GPC6: variants seen among roughly 807,000 people sequenced by gnomAD.
GPC6 encodes the protein glypican-6.
A neutral mutation model predicts 55.2 loss-of-function variants in GPC6; 14 were observed. The observed-to-expected ratio is 0.25, with a 90% CI of 0.17 to 0.40. The LOEUF (loss-of-function observed/expected upper bound fraction) is 0.40. GPC6 is among the 10% of genes least tolerant of loss of function. The probability of loss-of-function intolerance (pLI) is 1.00; values close to 1 mark genes in which losing one functional copy is unlikely to be tolerated. For synonymous variants in GPC6, 278 were observed against 259.6 expected (o/e 1.07, Z -0.68); for missense variants, 641 against 708.5 (o/e 0.90, Z 1.08).
At chr13:93,825,855 A>ATTTTCTTTTTTTTTTTTTTTTTTTTTT (rs1445978069) in intron 2 of GPC6, among the ~76,000 whole-genome samples, 4 of 114,656 alleles carry the variant, frequency 3.5e-5, no homozygotes, top group African/African-American at 9.8e-5. Flanking sequence ...TTATTTTATT[A>ATTTTCTTTTTTTTTTTTTTTTTTTTTT]TTTTCTTTTT....
chr13:94,089,190 C>T (rs1362226002), intron 4 of GPC6, among the ~76,000 whole-genome samples: 3 of 152,006 alleles, frequency 2.0e-5, no homozygotes, highest in African/African-American at 4.8e-5. Context: ...TCTTAAAGCC[C>T]GTGAGTAAGA....
intron 6 of GPC6, among the ~76,000 whole-genome samples, chr13:94,373,731 T>C (rs1334701070): frequency 6.6e-6 from 1 of 152,066 alleles, no homozygotes; most frequent in Non-Finnish European, 1.5e-5. Flanking sequence ...AAGATACTCC[T>C]CGAGAAGAGG....
At chr13:93,370,771 T>A (rs9524025) in intron 1 of GPC6, among the ~76,000 whole-genome samples, 111,285 of 152,084 alleles carry the variant, frequency 0.73, 42,662 homozygotes, top group East Asian at 0.97. Flanking sequence ...GAAAACCTTT[T>A]CTGTAAAAAT....
chr13:93,302,430 A>G (rs1291235529), intron 1 of GPC6, among the ~76,000 whole-genome samples: 1 of 152,220 alleles, frequency 6.6e-6, no homozygotes, highest in Non-Finnish European at 1.5e-5. Flanking sequence ...AACCTGGAGT[A>G]TGTTTTAAGA....
At chr13:93,799,943 G>T (rs1187483761) in intron 2 of GPC6, among the ~76,000 whole-genome samples, 1 of 152,158 alleles carries the variant, frequency 6.6e-6, no homozygotes, top group Admixed American at 6.5e-5. Context: ...TTTGCATGTG[G>T]TGGACAGTAG....
rs1467556861 is a variant in GPC6 at position 94,272,018 on chromosome 13, T to C, written c.878-14331T>C. On this transcript the variant is annotated intron_variant, in intron 4 of 8. Coordinates refer to ENST00000377047, the MANE Select transcript of GPC6 (RefSeq NM_005708.5). ...CATGATTACAGGGTCATATTGTGTT[T>C]TTTTTATTTTTGTTTGTTTTGTTTT... Among the ~76,000 whole-genome samples, 3 of 152,130 alleles carry C rather than the reference T, an allele frequency of 2.0e-5. No individual in the cohort carries two copies. The East Asian group carries it at 5.8e-4, about 29-fold the overall frequency.
chr13:93,603,621 CTCTA>C (rs1878116162), intron 2 of GPC6, among the ~76,000 whole-genome samples: 1 of 152,188 alleles, frequency 6.6e-6, no homozygotes, highest in South Asian at 2.1e-4. Flanking sequence ...CATCTCACTG[CTCTA>C]TCTCTCAATT....
chr13:94,199,750 G>A (rs191830538), intron 4 of GPC6, among the ~76,000 whole-genome samples: 7 of 152,310 alleles, frequency 4.6e-5, no homozygotes, highest in African/African-American at 1.7e-4. Flanking sequence ...CCTCTTATTG[G>A]TTGATAGAAT....
At chr13:93,476,924 T>C (rs1879322280) in intron 1 of GPC6, among the ~76,000 whole-genome samples, 1 of 152,206 alleles carries the variant, frequency 6.6e-6, no homozygotes, top group Admixed American at 6.5e-5. Context: ...TTTTAGAATT[T>C]AAACATTTTC....
chr13:94,013,535 A>G (rs1882335894), intron 3 of GPC6, among the ~76,000 whole-genome samples: 1 of 152,106 alleles, frequency 6.6e-6, no homozygotes, highest in Non-Finnish European at 1.5e-5. Flanking sequence ...TTTGTAGTGG[A>G]GACGGGGTTT....
At chr13:93,438,499 G>A (rs9584113) in intron 1 of GPC6, among the ~76,000 whole-genome samples, 327 of 152,250 alleles carry the variant, frequency 2.1e-3, no homozygotes, top group African/African-American at 7.6e-3. Flanking sequence ...TGACTTAGGC[G>A]TTCAAGGCTT....
intron 2 of GPC6, among the ~76,000 whole-genome samples, chr13:93,677,231 A>G (rs971697039): frequency 2.0e-5 from 3 of 152,156 alleles, no homozygotes; most frequent in African/African-American, 4.8e-5. Context: ...ATTGCATAAA[A>G]GATGTCTTTC....
intron 3 of GPC6, among the ~76,000 whole-genome samples, chr13:93,928,921 T>C (rs1422375446): frequency 3.2e-4 from 2 of 6,244 alleles, no homozygotes; most frequent in African/African-American, 8.5e-4. Context: ...TGTGTGTACA[T>C]ATAAAAAAAA....
intron 3 of GPC6, 66 bp downstream of exon 3, chr13:93,830,611 TTAA>T: frequency 1.5e-6 from 1 of 649,562 alleles, no homozygotes; most frequent in Admixed American, 4.3e-5. Flanking sequence ...AAACCAATGT[TTAA>T]AAAAAAAAAA....
chr13:93,384,395 T>A (rs1439215078), intron 1 of GPC6, among the ~76,000 whole-genome samples: 3 of 151,458 alleles, frequency 2.0e-5, no homozygotes, highest in African/African-American at 7.3e-5. Flanking sequence ...TTTTTTTTTT[T>A]TAAAAAAAAG....
At chr13:93,357,414 G>T (rs1880886639) in intron 1 of GPC6, among the ~76,000 whole-genome samples, 1 of 152,146 alleles carries the variant, frequency 6.6e-6, no homozygotes, top group Non-Finnish European at 1.5e-5. Flanking sequence ...TCAATGAATA[G>T]AAAGGAGATG....
intron 4 of GPC6, among the ~76,000 whole-genome samples, chr13:94,046,768 A>C (rs187903491): frequency 6.6e-6 from 1 of 152,206 alleles, no homozygotes; most frequent in Non-Finnish European, 1.5e-5. Flanking sequence ...ATGAGGTTAC[A>C]TTTAAATAAA....
chr13:93,383,548 G>C (rs1352459977), intron 1 of GPC6, among the ~76,000 whole-genome samples: 1 of 152,098 alleles, frequency 6.6e-6, no homozygotes, highest in Admixed American at 6.6e-5. Context: ...AAAAAGCTTG[G>C]CTCCCAGCTT....
In GPC6 at chr13:93,919,549, C is replaced by T. The variant is rs190804168; in HGVS notation, c.711+89004C>T. Reference sequence around the variant, plus strand: ...TGTCAGACACATCAGATACTTTAGACATTTATTTGGAGTAAAGAGCATCAG... The same window carrying T: ...TGTCAGACACATCAGATACTTTAGATATTTATTTGGAGTAAAGAGCATCAG... On this transcript the variant is annotated intron_variant, in intron 3 of 8. Coordinates refer to ENST00000377047, the MANE Select transcript of GPC6 (RefSeq NM_005708.5). 9.9e-4 allele frequency among the ~76,000 whole-genome samples: 151 copies of T among 152,240 alleles called. 1 individual carries two copies. The highest frequency in any genetic ancestry group is 3.3e-3 in the African/African-American group (138 of 41,552).
Sources: gnomAD v4.1 joint callset for allele counts (sites outside exome capture counted in the v4.1 genomes callset) on GRCh38, gnomAD v4.1.1 for gene constraint, MANE v1.5 for transcripts, NCBI Gene and HGNC (gene_info 2026-07-23, HGNC 2026-07-21) for gene names.